LTBP4: variants seen among roughly 807,000 people sequenced by gnomAD.
The protein encoded by LTBP4 is latent transforming growth factor beta binding protein 4.
LTBP4 carries 93 observed loss-of-function variants against 180.2 expected under a neutral mutation model. The observed-to-expected ratio is 0.52, with a 90% CI of 0.44 to 0.61. The LOEUF (loss-of-function observed/expected upper bound fraction) is 0.61, where lower values mean the gene tolerates loss of function less well. Ranked by LOEUF, LTBP4 falls within the 20% of genes least tolerant of loss-of-function variation. The pLI, the probability that LTBP4 is intolerant of heterozygous loss-of-function variation, is 0.00. For synonymous variants in LTBP4, 947 were observed against 934.5 expected (o/e 1.01, Z -0.24); for missense variants, 2,116 against 2,256.5 (o/e 0.94, Z 1.26).
upstream of LTBP4, chr19:40,600,157 C>T (rs1269899226): frequency 8.0e-7 from 1 of 1,255,360 alleles, no homozygotes; most frequent in South Asian, 3.8e-5. This position sits in a 1 kb window ranked among gnomAD's most constrained non-coding sequence, Gnocchi z 4.4. Flanking sequence ...CCACAGCGTG[C>T]CCCCGCTGGC....
intron 1 of LTBP4, among the ~76,000 whole-genome samples, chr19:40,593,978 G>A (rs1411277393): frequency 6.6e-6 from 1 of 151,916 alleles, no homozygotes; most frequent in African/African-American, 2.4e-5. Context: ...ATTCTTAGTA[G>A]AGACAGGGTT....
Position 40,622,450 on chromosome 19 carries a change from C to A in LTBP4, c.3267C>A (p.Pro1089=). The change falls in exon 23 of 30, where the codon CCC becomes CCA. Residue 1089 remains proline (P), a synonymous_variant. Transcript: ENST00000396819. This position sits in a 1 kb window ranked among gnomAD's most constrained non-coding sequence, Gnocchi z 5.1. ...AGGCACCTGCTAGCCCCGTTCTGCCCGCCAGGCCACCTCCGCCACCCCTGC... is the reference window on the plus strand; with the variant it reads ...AGGCACCTGCTAGCCCCGTTCTGCCAGCCAGGCCACCTCCGCCACCCCTGC... The part of the protein sequence containing the change: ...QPQAPASPVL[P]ARPPPPPLPR... The A allele has an allele frequency of 6.3e-7, 1 of 1,596,912 alleles. No homozygotes were observed. Among genetic ancestry groups the A allele is most frequent in the Middle Eastern group, 1.7e-4 (1 of 5,938 alleles).
In LTBP4 at chr19:40,605,804, G is replaced by A; in HGVS notation, c.766G>A (p.Asp256Asn). 3 of 1,539,822 alleles carry A rather than the reference G, an allele frequency of 1.9e-6. No homozygotes were observed. Among genetic ancestry groups the A allele is most frequent in the Non-Finnish European group, 2.6e-6 (3 of 1,146,774 alleles). The change falls in exon 4 of 30, where the codon GAC becomes AAC. Residue 256 changes from aspartate (D) to asparagine (N), a missense_variant. Physicochemically the swap from Asp to Asn is conservative, Grantham distance 23 (BLOSUM62 1). Coordinates refer to ENST00000396819, the MANE Select transcript of LTBP4 (RefSeq NM_001042545.2). The surrounding 1 kb of genome is among the most constrained non-coding windows in gnomAD (Gnocchi z 5.5). Reference protein sequence around the residue: ...RGAGLAWGVHDCQLCSERLGN... With the variant: ...RGAGLAWGVHNCQLCSERLGN... ...GGCCGGCTTGGCCTGGGGCGTTCACGACTGTCAGCTGTGCTCCGAGCGCCT... is the reference window on the plus strand; with the variant it reads ...GGCCGGCTTGGCCTGGGGCGTTCACAACTGTCAGCTGTGCTCCGAGCGCCT...
At chr19:40,618,041 A>G (rs2081562189) in intron 21 of LTBP4, among the ~76,000 whole-genome samples, 1 of 151,796 alleles carries the variant, frequency 6.6e-6, no homozygotes, top group Admixed American at 6.6e-5. Context: ...ATATGTGTTT[A>G]CCAATGTATT....
rs574493904 is a variant in LTBP4 at position 40,619,336 on chromosome 19, C to T, written c.3071-11C>T. The T allele has an allele frequency of 1.2e-6, 2 of 1,612,476 alleles. No homozygotes were observed. The highest frequency in any genetic ancestry group is 2.2e-5 in the East Asian group (1 of 44,832). Reference sequence around the variant, plus strand: ...ACTGAGTCCCTCTCCCCTGTTGTCTCCTGCTTACAGATGTGAACGAGTGTG... The same window carrying T: ...ACTGAGTCCCTCTCCCCTGTTGTCTTCTGCTTACAGATGTGAACGAGTGTG... On this transcript the variant is annotated splice_polypyrimidine_tract_variant and intron_variant, in intron 21 of 29. Transcript: ENST00000396819.
chr19:40,626,080 CCA>C, intron 27 of LTBP4, 71 bp downstream of exon 27: 1 of 1,475,422 alleles, frequency 6.8e-7, no homozygotes, highest in Non-Finnish European at 9.0e-7. Context: ...CCTCAGATCC[CCA>C]GTCGCAGAAC....
rs2081507883 is a variant in LTBP4, at chr19:40,611,743, C to A, written c.2054-116C>A. The A allele has an allele frequency of 7.0e-7, 1 of 1,431,958 alleles. No homozygotes were observed. Among genetic ancestry groups the A allele is most frequent in the African/African-American group, 1.4e-5 (1 of 70,504 alleles). The allele number at this position is 1,431,958 out of a possible 1,614,324, so 88.7% of individuals were successfully genotyped here. On this transcript the variant is annotated intron_variant, in intron 13 of 29. Coordinates refer to ENST00000396819, the MANE Select transcript of LTBP4 (RefSeq NM_001042545.2). The surrounding 1 kb of genome is among the most constrained non-coding windows in gnomAD (Gnocchi z 4.4). ...TGTCTGTCTTCCTGGGAAGAGGGAGCAGCCTGAGGCAAGTCCAGAAGGCAG... is the reference window on the plus strand; with the variant it reads ...TGTCTGTCTTCCTGGGAAGAGGGAGAAGCCTGAGGCAAGTCCAGAAGGCAG...
At chr19:40,620,298 G>T (rs557262281) in intron 22 of LTBP4, among the ~76,000 whole-genome samples, 1 of 151,342 alleles carries the variant, frequency 6.6e-6, no homozygotes, top group South Asian at 2.1e-4. Flanking sequence ...GAGTGCAGTG[G>T]CGTGATCTCA....
intron 26 of LTBP4, among the ~76,000 whole-genome samples, chr19:40,625,385 C>A (rs1198123558): frequency 1.4e-5 from 2 of 143,322 alleles, no homozygotes; most frequent in Admixed American, 7.1e-5. Context: ...GCTCAAGCAA[C>A]CCCCCCACCT....
upstream of LTBP4, chr19:40,599,642 T>G: frequency 8.0e-7 from 1 of 1,243,812 alleles, no homozygotes; most frequent in Non-Finnish European, 1.1e-6. Flanking sequence ...CCTTCCCCTC[T>G]CCCTCTCTCT....
At position 40,612,099 on chromosome 19, in the gene LTBP4, G is replaced by T. The variant is rs531264940; in HGVS notation, c.2206G>T (p.Ala736Ser). 5 of 1,613,598 alleles carry T rather than the reference G, an allele frequency of 3.1e-6. No homozygotes were observed. In the African/African-American group the frequency reaches 5.3e-5, roughly 17 times the overall value. ...EDVDECENHL[A>S]CPGQECVNSP... The stretch of plus-strand genomic sequence containing the variant: ...TGTGGATGAGTGTGAGAACCACCTC[G>T]CATGCCCTGGGCAGGAGTGTGTGAA... Residue 736 changes from alanine (A) to serine (S), a missense_variant, in exon 15 of 30, where the codon GCA (alanine) becomes TCA (serine). Ala to Ser is a moderately conservative substitution (Grantham distance 99, BLOSUM62 1). Coordinates refer to ENST00000396819, the MANE Select transcript of LTBP4 (RefSeq NM_001042545.2).
intron 15 of LTBP4, 148 bp from the exon 16 acceptor site, chr19:40,612,917 T>C (rs11668632): frequency 2.5e-3 from 1,864 of 737,036 alleles, no homozygotes; most frequent in Non-Finnish European, 3.6e-3. Flanking sequence ...AGAACCTTGG[T>C]CAGCCCTACC....
intron 27 of LTBP4, among the ~76,000 whole-genome samples, chr19:40,626,641 C>G (rs1465845990): frequency 6.6e-6 from 1 of 152,212 alleles, no homozygotes; most frequent in East Asian, 1.9e-4. Context: ...GCATCCTGCC[C>G]CCTCAGGTCC....
chr19:40,606,576 A>C (rs1277450792), intron 6 of LTBP4, 50 bp downstream of exon 6: 1 of 1,532,296 alleles, frequency 6.5e-7, no homozygotes, highest in Non-Finnish European at 8.8e-7. Context: ...CCCTGCCCTC[A>C]GAAGTCCCAG....
intron 21 of LTBP4, among the ~76,000 whole-genome samples, chr19:40,617,692 G>A (rs1312551508): frequency 6.6e-6 from 1 of 151,060 alleles, no homozygotes. Flanking sequence ...AGTGGCTGGT[G>A]ACAGAAACCT....
At chr19:40,623,532 C>T (rs2081602047) in intron 24 of LTBP4, 72 bp from the exon 25 acceptor site, 1 of 1,533,600 alleles carries the variant, frequency 6.5e-7, no homozygotes, top group Admixed American at 1.9e-5. Flanking sequence ...CTGTCTCTGT[C>T]TTCCCACGTC....
chr19:40,605,098 C>T lies in LTBP4; in HGVS notation c.314C>T (p.Pro105Leu), dbSNP rs1411922475. 6.2e-7 allele frequency: 1 copy of T among 1,613,734 alleles called. No homozygotes were observed. Among genetic ancestry groups the T allele is most frequent in the Non-Finnish European group, 8.5e-7 (1 of 1,179,876 alleles). The part of the protein sequence containing the change: ...VCVKPDRCLC[P>L]PDFAGKFCQL... ...GTGAAGCCTGACCGCTGCCTCTGTC[C>T]CCCGGACTTCGCTGGCAAGTTCTGC... The change falls in exon 2 of 30, where the codon CCC (proline) becomes CTC (leucine). Residue 105 changes from proline to leucine, a missense_variant. By Grantham distance (98) the Pro-to-Leu change is moderately conservative. Around this residue, in one of 5 missense-constraint regions of LTBP4, gnomAD observed 469 missense variants for 532.5 expected, o/e 0.88. Transcript: ENST00000396819. The surrounding 1 kb of genome is among the most constrained non-coding windows in gnomAD (Gnocchi z 5.5).
chr19:40,613,650 CA>C lies in LTBP4; in HGVS notation c.2557+122del, dbSNP rs1035520501. 23 of 1,471,384 alleles carry C rather than the reference CA, an allele frequency of 1.6e-5. No individual in the cohort carries two copies. The East Asian group carries it at 3.2e-4, about 21-fold the overall frequency. The allele number at this position is 1,471,384 out of a possible 1,614,324, so 91.1% of individuals were successfully genotyped here. A position where few individuals can be genotyped will look rare whatever the true frequency, so the allele number is the denominator to read the frequency against. On this transcript the variant is annotated intron_variant, in intron 17 of 29. Coordinates refer to ENST00000396819, the MANE Select transcript of LTBP4 (RefSeq NM_001042545.2). This position sits in a 1 kb window ranked among gnomAD's most constrained non-coding sequence, Gnocchi z 5.0. ...TTTAGCCGGGGTATTCCAGCAGGAT[CA>C]GGGGGCAGCTGGTGGGAGTCTCGAG...
At chr19:40,594,104 G>A (rs1196689820) in intron 1 of LTBP4, among the ~76,000 whole-genome samples, 2 of 152,064 alleles carry the variant, frequency 1.3e-5, no homozygotes, top group Non-Finnish European at 2.9e-5. Flanking sequence ...CTGGGGGAGG[G>A]GGTGGGGGGG....
Sources: allele counts gnomAD v4.1 joint callset (sites outside exome capture counted in the v4.1 genomes callset), GRCh38; gene constraint gnomAD v4.1.1; regional missense constraint gnomAD v4.1.1; non-coding constraint Gnocchi (gnomAD v3.1); transcripts MANE v1.5; gene names NCBI Gene and HGNC (gene_info 2026-07-23, HGNC 2026-07-21).